GPR174: variants seen among roughly 807,000 people sequenced by gnomAD.
The protein encoded by GPR174 is G protein-coupled receptor 174, also known as probable G protein-coupled receptor 174.
GPR174 carries 8 observed loss-of-function variants against 16.5 expected under a neutral mutation model. The ratio of observed to expected loss-of-function variants is 0.48; its 90% CI spans 0.28 to 0.87. The LOEUF (loss-of-function observed/expected upper bound fraction) is 0.87. Among genes scored for constraint, GPR174 ranks in the 40% least tolerant of loss-of-function variants. The pLI, the probability that GPR174 is intolerant of heterozygous loss-of-function variation, is 0.09. For missense variants in GPR174, 214 were observed against 247.5 expected, an observed-to-expected ratio of 0.86 and a Z score of 0.91; for synonymous variants, 111 against 94.8, an observed-to-expected ratio of 1.17 and a Z score of -0.99.
chrX:79,148,378 G>A (rs1446305997), intron 1 of GPR174, among the ~76,000 whole-genome samples: 2 of 111,763 alleles, frequency 1.8e-5, no homozygotes, highest in East Asian at 2.8e-4. Context: ...AGAAAATAAG[G>A]TTTTCTGTAC....
intron 2 of GPR174, among the ~76,000 whole-genome samples, chrX:79,165,535 A>G: frequency 9.0e-6 from 1 of 111,523 alleles, no homozygotes; most frequent in Non-Finnish European, 1.9e-5. Flanking sequence ...CTTATCCTCA[A>G]GAAAAAAGGA....
intron 1 of GPR174, among the ~76,000 whole-genome samples, chrX:79,151,351 C>T (rs957717917): frequency 9.0e-6 from 1 of 110,798 alleles, no homozygotes; most frequent in Non-Finnish European, 1.9e-5. Flanking sequence ...TTTTTTTCAA[C>T]ACCACTTTAT....
intron 2 of GPR174, among the ~76,000 whole-genome samples, chrX:79,166,432 C>CTTTTTTTT (rs1174620976): frequency 0.046 from 1,989 of 43,415 alleles, 21 homozygotes; most frequent in East Asian, 0.078. Context: ...TTTCTTTTTT[C>CTTTTTTTT]TTTTTTTTTT....
rs1368659875 is a variant in GPR174, at chrX:79,144,930, C to A, written c.-941C>A. The A allele has an allele frequency of 9.5e-6, 1 of 105,073 alleles. No homozygotes were observed. Among genetic ancestry groups the A allele is most frequent in the Admixed American group, 1.0e-4 (1 of 9,818 alleles). The allele number at this position is 105,073 out of a possible 1,213,427, so 8.7% of individuals were successfully genotyped here. A position where few individuals can be genotyped will look rare whatever the true frequency, so the allele number is the denominator to read the frequency against. ...CTTCCTTCCTTCCCTCCTTCCTCTC[C>A]TTTCCTTTTCTTTCTTTCTTTTTCT... On this transcript the variant is annotated 5_prime_UTR_variant, in exon 1 of 3. Transcript: ENST00000645147.
intron 1 of GPR174, among the ~76,000 whole-genome samples, chrX:79,145,671 G>A (rs963556473): frequency 7.2e-5 from 8 of 111,543 alleles, no homozygotes; most frequent in Non-Finnish European, 1.5e-4. Flanking sequence ...TTTTCAAAAT[G>A]AATGGTTATT....
rs952546236 is a variant in GPR174 at position 79,174,386 on chromosome X, G to A, written c.*2377G>A. Reference sequence around the variant, plus strand: ...CTGATCAATTCATTCACACCATGGTGCTAATAGCTAATGTTAGGTTCATAT... The same window carrying A: ...CTGATCAATTCATTCACACCATGGTACTAATAGCTAATGTTAGGTTCATAT... On this transcript the variant is annotated 3_prime_UTR_variant, in exon 3 of 3. Coordinates refer to ENST00000645147, the MANE Select transcript of GPR174 (RefSeq NM_032553.3). The A allele has an allele frequency of 9.4e-6, 1 of 106,495 alleles. No homozygotes were observed. The highest frequency in any genetic ancestry group is 3.4e-5 in the African/African-American group (1 of 29,143). The allele number at this position is 106,495 out of a possible 1,213,427, so 8.8% of individuals were successfully genotyped here.
Position 79,171,632 on chromosome X carries a change from G to T in GPR174, c.625G>T (p.Val209Phe), listed in dbSNP as rs142639669. ...TGTCCTATATTGTACCTGGAAGACGGTTTTATCACTGCAAGATAAATATCC... is the reference window on the plus strand; with the variant it reads ...TGTCCTATATTGTACCTGGAAGACGTTTTTATCACTGCAAGATAAATATCC... ...LIVLYCTWKT[V>F]LSLQDKYPMA... is the part of the protein sequence containing the mutation. The change falls in exon 3 of 3, where the codon GTT becomes TTT. Residue 209 changes from valine (V) to phenylalanine (F), a missense_variant. Transcript: ENST00000645147. 288 of 1,209,417 alleles carry T rather than the reference G, an allele frequency of 2.4e-4. No homozygotes were observed. The African/African-American group carries it at 4.1e-3, about 17-fold the overall frequency.
intron 1 of GPR174, among the ~76,000 whole-genome samples, chrX:79,152,138 C>T (rs886890172): frequency 9.0e-6 from 1 of 111,506 alleles, no homozygotes; most frequent in Non-Finnish European, 1.9e-5. Context: ...AAAAATTGTA[C>T]ACAGAGGCTC....
In GPR174 at chrX:79,171,530, A is replaced by G; in HGVS notation, c.523A>G (p.Arg175Gly). Residue 175 changes from arginine to glycine, a missense_variant, in exon 3 of 3, where the codon AGG (arginine) becomes GGG (glycine). Arg to Gly is a moderately radical substitution (Grantham distance 125). Coordinates refer to ENST00000645147, the MANE Select transcript of GPR174 (RefSeq NM_032553.3). Reference sequence around the variant, plus strand: ...CAAATGCTTTGTGGATCTTCCTACCAGGAATGTCAACCTGGCCCAGTCCGT... The same window carrying G: ...CAAATGCTTTGTGGATCTTCCTACCGGGAATGTCAACCTGGCCCAGTCCGT... Reference protein sequence around the residue: ...RTKCFVDLPTRNVNLAQSVVM... With the variant: ...RTKCFVDLPTGNVNLAQSVVM... 1 of 1,209,349 alleles carries G rather than the reference A, an allele frequency of 8.3e-7. No individual in the cohort carries two copies. Among genetic ancestry groups the G allele is most frequent in the Non-Finnish European group, 1.1e-6 (1 of 895,126 alleles).
chrX:79,169,713 T>G lies in GPR174; in HGVS notation c.-556-739T>G, dbSNP rs144830132. On this transcript the variant is annotated intron_variant, in intron 2 of 2. Coordinates refer to ENST00000645147, the MANE Select transcript of GPR174 (RefSeq NM_032553.3). ...ACTATCCAGGCCCCTAAGCTAAAATTTACTTACCTCAGAATAAAGGTCATA... is the reference window on the plus strand; with the variant it reads ...ACTATCCAGGCCCCTAAGCTAAAATGTACTTACCTCAGAATAAAGGTCATA... 3.5e-4 allele frequency among the ~76,000 whole-genome samples: 39 copies of G among 111,619 alleles called. 1 individual carries two copies. The East Asian group carries it at 0.011, about 30-fold the overall frequency.
At chrX:79,148,237 A>G (rs1042239520) in intron 1 of GPR174, among the ~76,000 whole-genome samples, 5 of 111,403 alleles carry the variant, frequency 4.5e-5, no homozygotes, top group African/African-American at 1.6e-4. Flanking sequence ...CATAAATACT[A>G]TCTCACTGGA....
rs1167462078 is a variant in GPR174, at chrX:79,148,756, C to A, written c.-654+3539C>A. On this transcript the variant is annotated intron_variant, in intron 1 of 2. Transcript: ENST00000645147. The stretch of plus-strand genomic sequence containing the variant: ...CTCCTGGCCTTGAGCAATCTCCCAA[C>A]CTTGGCCTCCCAAAGTGCTGGGATT... Among the ~76,000 whole-genome samples, 4 of 111,849 alleles carry A rather than the reference C, an allele frequency of 3.6e-5. No homozygotes were observed. In the East Asian group the frequency reaches 1.1e-3, roughly 31 times the overall value.
intron 2 of GPR174, among the ~76,000 whole-genome samples, chrX:79,169,415 T>C (rs956086093): frequency 7.1e-5 from 8 of 111,923 alleles, no homozygotes; most frequent in Non-Finnish European, 1.3e-4. Context: ...GGGTATTTAA[T>C]CTCTTCAATC....
At chrX:79,152,336 C>A (rs1259087762) in intron 1 of GPR174, among the ~76,000 whole-genome samples, 1 of 105,487 alleles carries the variant, frequency 9.5e-6, no homozygotes. Flanking sequence ...TGTGAGTAAG[C>A]TTTTTCCTTA....
intron 2 of GPR174, among the ~76,000 whole-genome samples, chrX:79,160,064 A>C (rs1347157153): frequency 4.5e-5 from 5 of 112,176 alleles, no homozygotes; most frequent in African/African-American, 6.5e-5. Flanking sequence ...TGCTTATCTT[A>C]ATGATGCTGT....
intron 1 of GPR174, among the ~76,000 whole-genome samples, chrX:79,150,492 T>C (rs563066332): frequency 2.7e-5 from 3 of 111,905 alleles, no homozygotes; most frequent in African/African-American, 9.7e-5. Flanking sequence ...CTATTTAACA[T>C]TTGCATGCAT....
intron 1 of GPR174, among the ~76,000 whole-genome samples, chrX:79,146,213 A>G (rs1057162716): frequency 9.0e-6 from 1 of 111,645 alleles, no homozygotes; most frequent in African/African-American, 3.3e-5. Flanking sequence ...ATGAGGAGGG[A>G]TGTGGTACAA....
At chrX:79,152,469 T>C (rs1926621080) in intron 1 of GPR174, among the ~76,000 whole-genome samples, 1 of 111,623 alleles carries the variant, frequency 9.0e-6, no homozygotes, top group Non-Finnish European at 1.9e-5. Context: ...TCTGATCCAG[T>C]GAGTTATCGA....
Position 79,171,262 on chromosome X carries a change from A to G in GPR174, c.255A>G (p.Pro85=). The G allele has an allele frequency of 8.3e-7, 1 of 1,211,189 alleles. No homozygotes were observed. The highest frequency in any genetic ancestry group is 3.0e-5 in the East Asian group (1 of 33,810). The part of the protein sequence containing the change: ...RIFYYLNHDW[P]FGPGLCMFCF... ...TCTACTACTTGAATCATGACTGGCC[A>G]TTTGGGCCTGGTCTCTGCATGTTCT... Residue 85 remains proline, a synonymous_variant, in exon 3 of 3, where the codon CCA becomes CCG. Transcript: ENST00000645147.
Sources: allele counts gnomAD v4.1 joint callset (sites outside exome capture counted in the v4.1 genomes callset), GRCh38; gene constraint gnomAD v4.1.1; transcripts MANE v1.5; gene names NCBI Gene and HGNC (gene_info 2026-07-23, HGNC 2026-07-21).